The following MTUS2 variants were observed in gnomAD, a reference collection of about 807,000 sequenced individuals.
MTUS2 encodes the protein microtubule-associated tumor suppressor candidate 2.
MTUS2 carries 40 observed loss-of-function variants against 114.1 expected under a neutral mutation model. The ratio of observed to expected loss-of-function variants is 0.35; its 90% CI spans 0.27 to 0.46. The LOEUF (loss-of-function observed/expected upper bound fraction) is 0.46. Among genes scored for constraint, MTUS2 ranks in the 20% least tolerant of loss-of-function variants. The pLI, the probability that MTUS2 is intolerant of heterozygous loss-of-function variation, is 1.00. For missense variants in MTUS2, 1,679 were observed against 1,705.4 expected (o/e 0.98, Z 0.27); for synonymous variants, 688 against 672.0 (o/e 1.02, Z -0.37).
At chr13:29,452,606 G>GTATA (rs1259887431) in intron 9 of MTUS2, among the ~76,000 whole-genome samples, 8 of 132,038 alleles carry the variant, frequency 6.1e-5, no homozygotes, top group African/African-American at 1.4e-4. Flanking sequence ...GTGTGTGTGT[G>GTATA]TATATATATA....
At position 29,505,769 on chromosome 13, in the gene MTUS2, G is replaced by A. The variant is rs1342842494; in HGVS notation, c.*2563G>A. ...GGCCTGCCCCCCGACCGCCGCCCCT[G>A]CCCACCACATGCTGGGACAAGGTTC... On this transcript the variant is annotated 3_prime_UTR_variant, in exon 16 of 16. Transcript: ENST00000612955. 2 of 229,380 alleles carry A rather than the reference G, an allele frequency of 8.7e-6. No individual in the cohort carries two copies. The highest frequency in any genetic ancestry group is 5.7e-5 in the Admixed American group (1 of 17,666). 14.2% of individuals were successfully genotyped at this position (229,380 alleles called of 1,614,324 possible). A position where few individuals can be genotyped will look rare whatever the true frequency, so the allele number is the denominator to read the frequency against.
chr13:29,358,922 C>T, intron 7 of MTUS2, among the ~76,000 whole-genome samples: 1 of 141,576 alleles, frequency 7.1e-6, no homozygotes, highest in Non-Finnish European at 1.5e-5. Flanking sequence ...GATTAATTTC[C>T]CATTAGACAT....
At chr13:28,824,737 A>G (rs563110555) in intron 1 of MTUS2, among the ~76,000 whole-genome samples, 5 of 151,604 alleles carry the variant, frequency 3.3e-5, no homozygotes, top group Non-Finnish European at 5.9e-5. Context: ...GCACTTTTAC[A>G]TATTAGGTAT....
intron 2 of MTUS2, among the ~76,000 whole-genome samples, chr13:28,891,342 C>G (rs999665356): frequency 2.0e-5 from 3 of 152,156 alleles, no homozygotes; most frequent in Non-Finnish European, 4.4e-5. Flanking sequence ...TGAAAGGGAA[C>G]TGGGTGGCAG....
chr13:29,343,732 A>G (rs1297154774), intron 7 of MTUS2, among the ~76,000 whole-genome samples: 2 of 151,876 alleles, frequency 1.3e-5, no homozygotes, highest in East Asian at 3.9e-4. Context: ...TTCTCGAGGT[A>G]TGACCTTAGA....
At chr13:28,905,561 G>A (rs1879945595) in intron 2 of MTUS2, among the ~76,000 whole-genome samples, 1 of 151,494 alleles carries the variant, frequency 6.6e-6, no homozygotes, top group Non-Finnish European at 1.5e-5. Flanking sequence ...TACATTTATT[G>A]ATTTTCGTAT....
At chr13:28,884,475 G>A (rs1363177930) in intron 2 of MTUS2, among the ~76,000 whole-genome samples, 1 of 152,148 alleles carries the variant, frequency 6.6e-6, no homozygotes, top group Non-Finnish European at 1.5e-5. Context: ...TGTCTGTACA[G>A]CAGTGTAAAT....
intron 5 of MTUS2, among the ~76,000 whole-genome samples, chr13:29,149,240 C>A (rs1892569366): frequency 6.6e-6 from 1 of 152,158 alleles, no homozygotes; most frequent in African/African-American, 2.4e-5. Context: ...AATGGTATCT[C>A]ATTGTGGTTT....
intron 2 of MTUS2, among the ~76,000 whole-genome samples, chr13:28,844,691 A>G (rs901010482): frequency 6.6e-6 from 1 of 152,054 alleles, no homozygotes; most frequent in East Asian, 1.9e-4. Flanking sequence ...ATCTAGGCTC[A>G]CTGCAACCTC....
At chr13:29,346,085 AGG>A (rs1868650500) in intron 7 of MTUS2, among the ~76,000 whole-genome samples, 2 of 152,088 alleles carry the variant, frequency 1.3e-5, no homozygotes, top group Admixed American at 1.3e-4. Context: ...GGACTCAGAG[AGG>A]GTCCTTGGTT....
At chr13:29,424,803 A>C (rs2138611293) in intron 8 of MTUS2, among the ~76,000 whole-genome samples, 1 of 152,190 alleles carries the variant, frequency 6.6e-6, no homozygotes, top group East Asian at 1.9e-4. Context: ...CGGCTGACCC[A>C]GTTTCTGAAC....
At chr13:29,048,719 C>T (rs1410619326) in intron 4 of MTUS2, among the ~76,000 whole-genome samples, 2 of 152,212 alleles carry the variant, frequency 1.3e-5, no homozygotes, top group African/African-American at 4.8e-5. Context: ...GTCCTCTTGC[C>T]TCAGCCTTCC....
intron 2 of MTUS2, among the ~76,000 whole-genome samples, chr13:29,022,510 T>C (rs990383509): frequency 6.6e-6 from 1 of 152,212 alleles, no homozygotes; most frequent in African/African-American, 2.4e-5. Context: ...TTTTAATATA[T>C]GAAACAACAT....
chr13:28,916,621 A>G (rs984649323), intron 2 of MTUS2, among the ~76,000 whole-genome samples: 4 of 151,392 alleles, frequency 2.6e-5, no homozygotes, highest in East Asian at 1.9e-4. Context: ...TTCATTTTCT[A>G]TTCTGCAACT....
intron 5 of MTUS2, among the ~76,000 whole-genome samples, chr13:29,120,367 A>C (rs1376612367): frequency 6.6e-6 from 1 of 152,096 alleles, no homozygotes; most frequent in Non-Finnish European, 1.5e-5. Flanking sequence ...TAATAGTAAA[A>C]TATATTTTCA....
intron 8 of MTUS2, among the ~76,000 whole-genome samples, chr13:29,437,377 G>T (rs1877489719): frequency 6.6e-6 from 1 of 152,160 alleles, no homozygotes; most frequent in Non-Finnish European, 1.5e-5. Context: ...TGAGTATTCA[G>T]AACTATTCTT....
chr13:28,972,348 C>T (rs1167516886), intron 2 of MTUS2, among the ~76,000 whole-genome samples: 1 of 152,146 alleles, frequency 6.6e-6, no homozygotes, highest in Admixed American at 6.5e-5. Context: ...GCATTATTAA[C>T]CTAAGAAATA....
chr13:29,274,316 TAGTC>T (rs1897982534), intron 5 of MTUS2, among the ~76,000 whole-genome samples: 1 of 152,134 alleles, frequency 6.6e-6, no homozygotes, highest in Non-Finnish European at 1.5e-5. Flanking sequence ...TTCACCGTGT[TAGTC>T]AGGATGGTCT....
chr13:29,342,256 C>A (rs932244405), intron 7 of MTUS2, among the ~76,000 whole-genome samples: 1 of 152,092 alleles, frequency 6.6e-6, no homozygotes, highest in Non-Finnish European at 1.5e-5. Flanking sequence ...TGGTCATTTT[C>A]ACAATATTGA....
Sources: gnomAD v4.1 joint callset for allele counts (sites outside exome capture counted in the v4.1 genomes callset) on GRCh38, gnomAD v4.1.1 for gene constraint, MANE v1.5 for transcripts, NCBI Gene and HGNC (gene_info 2026-07-23, HGNC 2026-07-21) for gene names.